The following CLIP2 variants were observed in gnomAD, a reference collection of about 807,000 sequenced individuals.
CLIP2 encodes the protein CAP-Gly domain containing linker protein 2, also known as CAP-Gly domain-containing linker protein 2.
In CLIP2, 41 loss-of-function variants were observed where a neutral mutation model predicts 111.7. The observed-to-expected ratio is 0.37, with a 90% CI of 0.29 to 0.48. The LOEUF (loss-of-function observed/expected upper bound fraction) is 0.48. CLIP2 is among the 20% of genes least tolerant of loss of function. The probability of loss-of-function intolerance (pLI) is 0.99; values close to 1 mark genes in which losing one functional copy is unlikely to be tolerated. For synonymous variants in CLIP2, 660 were observed against 644.2 expected (o/e 1.02, Z -0.37); for missense variants, 1,160 against 1,422.1 (o/e 0.82, Z 2.96).
intron 13 of CLIP2, among the ~76,000 whole-genome samples, chr7:74,391,047 C>A (rs562360551): frequency 9.6e-4 from 141 of 146,520 alleles, no homozygotes; most frequent in African/African-American, 3.0e-3. Flanking sequence ...GAAACTCCAT[C>A]AAAAAAAAAA....
chr7:74,378,874 G>A (rs1554313446), intron 10 of CLIP2, among the ~76,000 whole-genome samples: 2 of 152,200 alleles, frequency 1.3e-5, no homozygotes, highest in Non-Finnish European at 2.9e-5. Flanking sequence ...CCTTGTAATG[G>A]CCTTCCTGCC....
At chr7:74,305,101 G>C (rs1788441614) in intron 1 of CLIP2, among the ~76,000 whole-genome samples, 1 of 149,966 alleles carries the variant, frequency 6.7e-6, no homozygotes. Context: ...CAATTGCCAG[G>C]GAGGACCCTC....
chr7:74,401,540 C>G lies in CLIP2; in HGVS notation c.3102C>G (p.His1034Gln). 1 of 1,614,136 alleles carries G rather than the reference C, an allele frequency of 6.2e-7. No individual in the cohort carries two copies. Among genetic ancestry groups the G allele is most frequent in the Non-Finnish European group, 8.5e-7 (1 of 1,180,022 alleles). The change falls in exon 16 of 17, where the codon CAC (histidine) becomes CAG (glutamine). Residue 1034 changes from histidine to glutamine, a missense_variant. Physicochemically the swap from His to Gln is conservative, Grantham distance 24. Around this residue, in one of 5 missense-constraint regions of CLIP2, gnomAD observed 676 missense variants for 777.8 expected, o/e 0.87. Transcript: ENST00000223398. ...IGNSGSANGI[H>Q]QQDKAQKQED... ...ATTCCGGTTCTGCAAACGGCATCCA[C>G]CAGCAGGACAAAGCTCAGAAACAAG... is the stretch of plus-strand genomic sequence containing the variant.
Position 74,395,235 on chromosome 7 carries a change from C to T in CLIP2, c.2721-1839C>T, listed in dbSNP as rs184140701. On this transcript the variant is annotated intron_variant, in intron 13 of 16. Transcript: ENST00000223398. ...AGTGCAGTGGCGCAATCTTGGCTCA[C>T]CGCAACCTCTGCCTCCTGGGTTCAA... Among the ~76,000 whole-genome samples the T allele has an allele frequency of 1.5e-3, 234 of 152,104 alleles. 1 individual carries two copies. Among genetic ancestry groups the T allele is most frequent in the Non-Finnish European group, 7.4e-4 (50 of 67,990 alleles).
At chr7:74,355,307 G>T (rs1790114972) in intron 4 of CLIP2, among the ~76,000 whole-genome samples, 1 of 152,118 alleles carries the variant, frequency 6.6e-6, no homozygotes, top group Non-Finnish European at 1.5e-5. Flanking sequence ...GCGGTTTCAA[G>T]TGAATCAGAA....
At chr7:74,293,280 C>T (rs537712956) in intron 1 of CLIP2, among the ~76,000 whole-genome samples, 11 of 152,182 alleles carry the variant, frequency 7.2e-5, no homozygotes, top group South Asian at 2.1e-4. Context: ...CCCGGGACCC[C>T]GGAAGCTGGC....
At chr7:74,302,944 C>G (rs1788378708) in intron 1 of CLIP2, among the ~76,000 whole-genome samples, 2 of 152,234 alleles carry the variant, frequency 1.3e-5, no homozygotes, top group South Asian at 2.1e-4. Context: ...CCTCGTACCT[C>G]TACTGCTGGC....
intron 13 of CLIP2, among the ~76,000 whole-genome samples, chr7:74,394,508 C>T (rs1791392410): frequency 6.6e-6 from 1 of 152,180 alleles, no homozygotes; most frequent in Non-Finnish European, 1.5e-5. Flanking sequence ...CCTCGGCCTC[C>T]CAAAGTGCTG....
In CLIP2 at chr7:74,403,998, C is replaced by T; in HGVS notation, c.*150C>T. On this transcript the variant is annotated 3_prime_UTR_variant, in exon 17 of 17. Coordinates refer to ENST00000223398, the MANE Select transcript of CLIP2 (RefSeq NM_003388.5). ...ACGTACTCACCGCCGCGGACAATCCCCCACCCCGATCCCTCGCCAGACCAG... is the reference window on the plus strand; with the variant it reads ...ACGTACTCACCGCCGCGGACAATCCTCCACCCCGATCCCTCGCCAGACCAG... 4.7e-6 allele frequency: 4 copies of T among 849,756 alleles called. No homozygotes were observed. The highest frequency in any genetic ancestry group is 1.8e-5 in the Admixed American group (1 of 54,700). 52.6% of individuals were successfully genotyped at this position (849,756 alleles called of 1,614,324 possible).
At chr7:74,317,411 T>C (rs564108536) in intron 1 of CLIP2, 69 bp from the exon 2 acceptor site, 46 of 1,088,798 alleles carry the variant, frequency 4.2e-5, no homozygotes, top group Non-Finnish European at 5.5e-5. Flanking sequence ...TGTGTGTTGC[T>C]TGATGGCCCT....
chr7:74,345,585 C>T (rs556697440), intron 3 of CLIP2, among the ~76,000 whole-genome samples: 1 of 152,034 alleles, frequency 6.6e-6, no homozygotes, highest in East Asian at 2.0e-4. Context: ...CCTGTAATCC[C>T]AGCATTTTGG....
Position 74,404,688 on chromosome 7 carries a change from G to C in CLIP2, c.*840G>C, listed in dbSNP as rs1271795997. The C allele has an allele frequency of 6.6e-6, 1 of 152,552 alleles. No homozygotes were observed. Among genetic ancestry groups the C allele is most frequent in the Non-Finnish European group, 1.5e-5 (1 of 68,066 alleles). The allele number at this position is 152,552 out of a possible 1,614,324, so 9.4% of individuals were successfully genotyped here. ...CAGAGTGGAGGCTCTAGGCAGGTTT[G>C]ACAAAGGTCAGTAATACGGTTTCCC... On this transcript the variant is annotated 3_prime_UTR_variant, in exon 17 of 17. Coordinates refer to ENST00000223398, the MANE Select transcript of CLIP2 (RefSeq NM_003388.5).
At chr7:74,310,078 A>C (rs1303201306) in intron 1 of CLIP2, among the ~76,000 whole-genome samples, 20 of 130,800 alleles carry the variant, frequency 1.5e-4, no homozygotes, top group African/African-American at 5.4e-4. Context: ...AAAAAAAAAA[A>C]GTTCAGCCAG....
intron 13 of CLIP2, among the ~76,000 whole-genome samples, chr7:74,390,244 A>G (rs539175651): frequency 5.5e-4 from 83 of 151,728 alleles, no homozygotes; most frequent in South Asian, 2.7e-3. Context: ...CCTCCCCAAA[A>G]TGTTTGGTCT....
chr7:74,370,036 T>C (rs1183093134), intron 8 of CLIP2, among the ~76,000 whole-genome samples: 1 of 73,208 alleles, frequency 1.4e-5, no homozygotes, highest in African/African-American at 3.9e-5. Context: ...TGCTTGCCTG[T>C]AATTCCAGCT....
chr7:74,311,660 A>G (rs1276752485), intron 1 of CLIP2, among the ~76,000 whole-genome samples: 1 of 152,182 alleles, frequency 6.6e-6, no homozygotes, highest in African/African-American at 2.4e-5. Flanking sequence ...CTGTAACCCC[A>G]GCACTTCCAG....
At chr7:74,366,942 T>G (rs1253550033) in intron 8 of CLIP2, among the ~76,000 whole-genome samples, 2 of 150,642 alleles carry the variant, frequency 1.3e-5, no homozygotes, top group African/African-American at 4.9e-5. Context: ...CAATCTAGCT[T>G]CCAGGAGGAT....
chr7:74,399,448 GGATC>G (rs1417150198), intron 14 of CLIP2, among the ~76,000 whole-genome samples: 1 of 151,376 alleles, frequency 6.6e-6, no homozygotes, highest in African/African-American at 2.4e-5. Flanking sequence ...TGAGGTGGGA[GGATC>G]ACTTGAGCCC....
chr7:74,389,005 G>C (rs1791199284), intron 12 of CLIP2, 98 bp from the exon 13 acceptor site: 26 of 1,420,408 alleles, frequency 1.8e-5, no homozygotes, highest in Middle Eastern at 1.8e-4. Flanking sequence ...TTCATCCCCT[G>C]GGAGAATCAG....
Sources: allele counts gnomAD v4.1 joint callset (sites outside exome capture counted in the v4.1 genomes callset), GRCh38; gene constraint gnomAD v4.1.1; regional missense constraint gnomAD v4.1.1; transcripts MANE v1.5; gene names NCBI Gene and HGNC (gene_info 2026-07-23, HGNC 2026-07-21).